Variants in RAD23A observed in about 807,000 individuals in gnomAD.
The protein encoded by RAD23A is RAD23 nucleotide excision repair protein A.
RAD23A carries 16 observed loss-of-function variants against 44.8 expected under a neutral mutation model. The observed-to-expected ratio is 0.36, with a 90% CI of 0.24 to 0.54. RAD23A has a LOEUF of 0.54. Among genes scored for constraint, RAD23A ranks in the 20% least tolerant of loss-of-function variants. The pLI is 0.89. For missense variants in RAD23A, 380 were observed against 483.3 expected (o/e 0.79, Z 2.00); for synonymous variants, 217 against 202.9 (o/e 1.07, Z -0.59).
intron 1 of RAD23A, 24 bp downstream of exon 1, chr19:12,946,044 GGGCGGGAGCGAC>G: frequency 6.3e-7 from 1 of 1,579,140 alleles, no homozygotes; most frequent in Non-Finnish European, 8.6e-7. Context: ...CGGAGCCCGG[GGGCGGGAGCGAC>G]GGGTTTCGGG....
Position 12,945,919 on chromosome 19 carries a change from CCGGGGCCGCCGCGTCGCT to C in RAD23A, c.-25_-8del. 1.2e-5 allele frequency: 19 copies of C among 1,604,718 alleles called. No individual in the cohort carries two copies. The highest frequency in any genetic ancestry group is 1.6e-5 in the Non-Finnish European group (19 of 1,176,706). ...GTGAGTTGCATGTTGTGTGAGGATCCCGGGGCCGCCGCGTCGCTCGGGCCCCGCCATGGCCGTCACCAT... is the reference window on the plus strand; with the variant it reads ...GTGAGTTGCATGTTGTGTGAGGATCCCGGGCCCCGCCATGGCCGTCACCAT... On this transcript the variant is annotated 5_prime_UTR_variant, in exon 1 of 9. Transcript: ENST00000586534.
chr19:12,949,502 C>G (rs183394118), intron 7 of RAD23A, 94 bp downstream of exon 7: 1 of 1,521,874 alleles, frequency 6.6e-7, no homozygotes, highest in East Asian at 2.3e-5. Flanking sequence ...GTTCTAGGTC[C>G]GGAAAGCAGG....
chr19:12,946,921 C>T (rs1426083004), intron 1 of RAD23A, among the ~76,000 whole-genome samples: 2 of 152,074 alleles, frequency 1.3e-5, no homozygotes, highest in Admixed American at 6.6e-5. Context: ...TCAAATGAAC[C>T]GGTCGCCTGC....
Position 12,945,864 on chromosome 19 carries a change from G to T in RAD23A, c.-85G>T. 1.4e-6 allele frequency: 2 copies of T among 1,452,120 alleles called. No homozygotes were observed. Among genetic ancestry groups the T allele is most frequent in the East Asian group, 2.4e-5 (1 of 41,952 alleles). The allele number at this position is 1,452,120 out of a possible 1,614,324, so 90.0% of individuals were successfully genotyped here. On this transcript the variant is annotated 5_prime_UTR_variant, in exon 1 of 9. Coordinates refer to ENST00000586534, the MANE Select transcript of RAD23A (RefSeq NM_005053.4). The stretch of plus-strand genomic sequence containing the variant: ...CCCGGAAGTGGTCGGCGCGCGGCGC[G>T]GCGCGCCTGGGCGCTAAGATGGCGG...
intron 7 of RAD23A, among the ~76,000 whole-genome samples, chr19:12,951,772 T>C (rs560909319): frequency 5.3e-5 from 8 of 152,200 alleles, no homozygotes; most frequent in Non-Finnish European, 1.2e-4. Context: ...TGCTTCTGTT[T>C]CTGAGACTTC....
chr19:12,953,385 A>G lies in RAD23A; in HGVS notation c.*336A>G, dbSNP rs1971868353. 5.6e-6 allele frequency: 1 copy of G among 178,638 alleles called. No individual in the cohort carries two copies. Among genetic ancestry groups the G allele is most frequent in the South Asian group, 1.8e-4 (1 of 5,456 alleles). 11.1% of individuals were successfully genotyped at this position (178,638 alleles called of 1,614,324 possible). ...CGGCTGCTTGCCTCTCCATCCTCCG[A>G]AAAACCCCTGAGGACCCCCCCCCAT... is the stretch of plus-strand genomic sequence containing the variant. On this transcript the variant is annotated 3_prime_UTR_variant, in exon 9 of 9. Coordinates refer to ENST00000586534, the MANE Select transcript of RAD23A (RefSeq NM_005053.4).
At position 12,953,136 on chromosome 19, in the gene RAD23A, T is replaced by C. The variant is rs906625037; in HGVS notation, c.*87T>C. The C allele has an allele frequency of 1.2e-6, 1 of 857,614 alleles. No individual in the cohort carries two copies. The highest frequency in any genetic ancestry group is 1.7e-6 in the Non-Finnish European group (1 of 578,438). The allele number at this position is 857,614 out of a possible 1,614,324, so 53.1% of individuals were successfully genotyped here. On this transcript the variant is annotated 3_prime_UTR_variant, in exon 9 of 9. Coordinates refer to ENST00000586534, the MANE Select transcript of RAD23A (RefSeq NM_005053.4). Reference sequence around the variant, plus strand: ...AGAAAAAATATATATATATTCATGTTTATTTAAGAAATGGAAAAAAAAATC... The same window carrying C: ...AGAAAAAATATATATATATTCATGTCTATTTAAGAAATGGAAAAAAAAATC...
chr19:12,946,069 T>TTTGGGGGGGGG, intron 1 of RAD23A, 49 bp downstream of exon 1: 1 of 171,598 alleles, frequency 5.8e-6, no homozygotes, highest in Non-Finnish European at 1.0e-5. Flanking sequence ...GTTTCGGGGG[T>TTTGGGGGGGGG]GGGGTGGGGG....
rs764925991 is a variant in RAD23A at position 12,947,829 on chromosome 19, T to A, written c.73-19T>A. ...AGAATCTTGGGGTCTCCAGTGACTG[T>A]CTGTACCACTCCCTCTAGGTGAAGG... On this transcript the variant is annotated intron_variant, in intron 1 of 8. Coordinates refer to ENST00000586534, the MANE Select transcript of RAD23A (RefSeq NM_005053.4). 1.3e-5 allele frequency: 21 copies of A among 1,612,168 alleles called. No individual in the cohort carries two copies. The highest frequency in any genetic ancestry group is 3.3e-5 in the Admixed American group (2 of 59,976).
At chr19:12,946,057 G>A in intron 1 of RAD23A, 37 bp downstream of exon 1, 1 of 1,455,772 alleles carries the variant, frequency 6.9e-7, no homozygotes, top group South Asian at 1.2e-5. Flanking sequence ...CGGGAGCGAC[G>A]GGTTTCGGGG....
intron 7 of RAD23A, among the ~76,000 whole-genome samples, chr19:12,951,500 G>A (rs761113975): frequency 1.2e-4 from 18 of 152,114 alleles, no homozygotes; most frequent in South Asian, 2.1e-4. Context: ...AGGCTGGAGT[G>A]CAGTGGCGTG....
chr19:12,949,501 C>A, intron 7 of RAD23A, 93 bp downstream of exon 7: 1 of 1,526,002 alleles, frequency 6.6e-7, no homozygotes, highest in Non-Finnish European at 8.9e-7. Flanking sequence ...CGTTCTAGGT[C>A]CGGAAAGCAG....
chr19:12,945,867 G>A lies in RAD23A; in HGVS notation c.-82G>A. On this transcript the variant is annotated 5_prime_UTR_variant, in exon 1 of 9. Coordinates refer to ENST00000586534, the MANE Select transcript of RAD23A (RefSeq NM_005053.4). ...GGAAGTGGTCGGCGCGCGGCGCGGCGCGCCTGGGCGCTAAGATGGCGGCGG... is the reference window on the plus strand; with the variant it reads ...GGAAGTGGTCGGCGCGCGGCGCGGCACGCCTGGGCGCTAAGATGGCGGCGG... 1 of 1,476,114 alleles carries A rather than the reference G, an allele frequency of 6.8e-7. No homozygotes were observed. The highest frequency in any genetic ancestry group is 9.3e-7 in the Non-Finnish European group (1 of 1,076,106). The allele number at this position is 1,476,114 out of a possible 1,614,324, so 91.4% of individuals were successfully genotyped here. A position where few individuals can be genotyped will look rare whatever the true frequency, so the allele number is the denominator to read the frequency against.
intron 1 of RAD23A, 137 bp downstream of exon 1, chr19:12,946,157 A>T: frequency 2.5e-6 from 2 of 787,762 alleles, no homozygotes; most frequent in Non-Finnish European, 3.8e-6. Flanking sequence ...GACCTGCCCG[A>T]CTTTCCTGGA....
At chr19:12,950,326 A>G (rs1371477494) in intron 7 of RAD23A, among the ~76,000 whole-genome samples, 1 of 152,014 alleles carries the variant, frequency 6.6e-6, no homozygotes, top group Non-Finnish European at 1.5e-5. Flanking sequence ...GCTCTCTGGT[A>G]GCCTCTTCCT....
intron 7 of RAD23A, among the ~76,000 whole-genome samples, chr19:12,950,159 T>C (rs1057500308): frequency 6.6e-6 from 1 of 152,094 alleles, no homozygotes; most frequent in Non-Finnish European, 1.5e-5. Context: ...AAGTGCTCCC[T>C]AGACTAGACG....
chr19:12,946,084 G>GGGGGGGCC, intron 1 of RAD23A, 64 bp downstream of exon 1: 3 of 512,066 alleles, frequency 5.9e-6, no homozygotes, highest in Non-Finnish European at 1.1e-5. Context: ...TGGGGGCGGG[G>GGGGGGGCC]AGGCTAGAAT....
intron 1 of RAD23A, among the ~76,000 whole-genome samples, chr19:12,946,517 A>T (rs1971678821): frequency 6.6e-6 from 1 of 152,214 alleles, no homozygotes; most frequent in South Asian, 2.1e-4. Context: ...ACTTTTTATC[A>T]GTCACCGAGT....
chr19:12,948,795 C>A lies in RAD23A; in HGVS notation c.582C>A (p.Ala194=). 6.2e-7 allele frequency: 1 copy of A among 1,609,408 alleles called. No individual in the cohort carries two copies. ...LRASYNNPHR[A]VEYLLTGIPG... is the part of the protein sequence containing the mutation. ...CCAGCTACAACAACCCCCACCGAGC[C>A]GTGGAGTATCTGCTCACGGTGAGGT... The change falls in exon 5 of 9, where the codon GCC becomes GCA. Residue 194 remains alanine (A), a synonymous_variant. Transcript: ENST00000586534. The surrounding 1 kb of genome is among the most constrained non-coding windows in gnomAD (Gnocchi z 5.5).
Sources: gnomAD v4.1 joint callset for allele counts (sites outside exome capture counted in the v4.1 genomes callset) on GRCh38, gnomAD v4.1.1 for gene constraint, Gnocchi (gnomAD v3.1) non-coding constraint, MANE v1.5 for transcripts, NCBI Gene and HGNC (gene_info 2026-07-23, HGNC 2026-07-21) for gene names.